The following MEIKIN variants were observed in gnomAD, a reference collection of about 807,000 sequenced individuals.
The protein encoded by MEIKIN is meiotic kinetochore factor.
At chr5:131,916,012 G>A (rs1435078092) in intron 7 of MEIKIN, among the ~76,000 whole-genome samples, 4 of 152,150 alleles carry the variant, frequency 2.6e-5, no homozygotes, top group African/African-American at 4.8e-5. Context: ...ATAAAACCCC[G>A]TCTCCATTAG....
At chr5:131,918,194 G>C (rs1225085425) in intron 6 of MEIKIN, among the ~76,000 whole-genome samples, 2 of 152,144 alleles carry the variant, frequency 1.3e-5, no homozygotes, top group Non-Finnish European at 2.9e-5. Context: ...CTGACATAGA[G>C]GGATCCTGAG....
intron 9 of MEIKIN, among the ~76,000 whole-genome samples, chr5:131,869,116 T>C (rs982080568): frequency 6.6e-6 from 1 of 152,266 alleles, no homozygotes; most frequent in Non-Finnish European, 1.5e-5. Context: ...TTTTGCATTT[T>C]ACATTTAGGT....
chr5:131,836,057 C>T (rs1009082417), intron 11 of MEIKIN, among the ~76,000 whole-genome samples: 6 of 152,154 alleles, frequency 3.9e-5, no homozygotes, highest in Non-Finnish European at 7.4e-5. Context: ...TCCCACTCTC[C>T]ACCCTTTAAA....
intron 11 of MEIKIN, among the ~76,000 whole-genome samples, chr5:131,839,537 T>A (rs1358642021): frequency 6.6e-6 from 1 of 152,208 alleles, no homozygotes; most frequent in African/African-American, 2.4e-5. Flanking sequence ...TGGGTGCTCC[T>A]CTGTTGGGTG....
intron 4 of MEIKIN, among the ~76,000 whole-genome samples, chr5:131,938,437 G>C (rs546245658): frequency 6.6e-6 from 1 of 152,148 alleles, no homozygotes; most frequent in Admixed American, 6.5e-5. Context: ...CAAAGTGCTA[G>C]GATTACAGGG....
At chr5:131,868,100 G>GT (rs1045373047) in intron 9 of MEIKIN, among the ~76,000 whole-genome samples, 19 of 152,196 alleles carry the variant, frequency 1.2e-4, no homozygotes, top group African/African-American at 3.4e-4. Flanking sequence ...GCTGTTTCTG[G>GT]TTTTTTTGAA....
chr5:131,869,215 C>A (rs1214222509), intron 9 of MEIKIN, among the ~76,000 whole-genome samples: 1 of 152,212 alleles, frequency 6.6e-6, no homozygotes, highest in Non-Finnish European at 1.5e-5. Flanking sequence ...GTTATTCAAG[C>A]ACCATTTGTA....
intron 3 of MEIKIN, among the ~76,000 whole-genome samples, chr5:131,943,754 T>TC: frequency 6.6e-6 from 1 of 152,222 alleles, no homozygotes; most frequent in East Asian, 1.9e-4. Context: ...TAAAAGCCTT[T>TC]TAAAAAAATG....
At chr5:131,838,804 C>G (rs1035014465) in intron 11 of MEIKIN, among the ~76,000 whole-genome samples, 2 of 151,924 alleles carry the variant, frequency 1.3e-5, no homozygotes, top group Admixed American at 1.3e-4. Context: ...AAAAAACCAA[C>G]CCCTGGATTT....
intron 11 of MEIKIN, among the ~76,000 whole-genome samples, chr5:131,826,942 G>T (rs1391329208): frequency 6.6e-6 from 1 of 152,178 alleles, no homozygotes; most frequent in Non-Finnish European, 1.5e-5. Context: ...AAACAAAATA[G>T]AAAGTATTAG....
intron 5 of MEIKIN, among the ~76,000 whole-genome samples, chr5:131,931,589 G>C (rs896096117): frequency 2.0e-5 from 3 of 152,146 alleles, no homozygotes; most frequent in African/African-American, 4.8e-5. Flanking sequence ...CTGTGGTATG[G>C]GTTTCCTCTC....
intron 9 of MEIKIN, among the ~76,000 whole-genome samples, chr5:131,856,811 C>A (rs915923957): frequency 3.3e-5 from 5 of 151,418 alleles, no homozygotes; most frequent in Admixed American, 1.3e-4. Context: ...ATTTCTAAAT[C>A]TTCCCAATCA....
At chr5:131,843,941 T>C (rs1287932937) in intron 11 of MEIKIN, among the ~76,000 whole-genome samples, 1 of 152,170 alleles carries the variant, frequency 6.6e-6, no homozygotes, top group African/African-American at 2.4e-5. Context: ...GACTGGGTAG[T>C]TTATAAAGAG....
chr5:131,810,933 C>G (rs1026493338), intron 12 of MEIKIN, among the ~76,000 whole-genome samples: 12 of 152,184 alleles, frequency 7.9e-5, no homozygotes, highest in African/African-American at 2.9e-4. Flanking sequence ...ATAGCTAAAA[C>G]TTTAAATGCC....
chr5:131,888,487 C>T (rs1245868474), intron 8 of MEIKIN, among the ~76,000 whole-genome samples: 19 of 151,880 alleles, frequency 1.3e-4, no homozygotes, highest in Non-Finnish European at 2.4e-4. Flanking sequence ...TTCATGTGTC[C>T]GTTGGCTGCA....
chr5:131,906,073 C>G (rs1751238073), intron 8 of MEIKIN, among the ~76,000 whole-genome samples: 1 of 152,034 alleles, frequency 6.6e-6, no homozygotes, highest in African/African-American at 2.4e-5. Flanking sequence ...AAGAAACTAT[C>G]AACAGAATCA....
intron 10 of MEIKIN, among the ~76,000 whole-genome samples, chr5:131,853,888 G>C (rs1750153454): frequency 6.6e-6 from 1 of 152,152 alleles, no homozygotes; most frequent in African/African-American, 2.4e-5. Context: ...TGTGCATTTT[G>C]CTAGTGGGAA....
At chr5:131,859,643 C>A (rs141770057) in intron 9 of MEIKIN, among the ~76,000 whole-genome samples, 23 of 152,292 alleles carry the variant, frequency 1.5e-4, no homozygotes, top group African/African-American at 4.8e-4. Flanking sequence ...GTACAAGCTG[C>A]AGAACTGTGA....
chr5:131,919,424 A>G (rs1443664824), intron 6 of MEIKIN, among the ~76,000 whole-genome samples: 4 of 152,246 alleles, frequency 2.6e-5, no homozygotes, highest in African/African-American at 9.6e-5. Flanking sequence ...TATATATCAT[A>G]GGTTTATTCA....
Sources: allele counts gnomAD v4.1 joint callset (sites outside exome capture counted in the v4.1 genomes callset), GRCh38; gene constraint gnomAD v4.1.1; transcripts MANE v1.5; gene names NCBI Gene and HGNC (gene_info 2026-07-23, HGNC 2026-07-21).